Variants in GALNT13 observed in about 807,000 individuals in gnomAD.
GALNT13 encodes the protein UDP-GalNAc:polypeptide N-acetylgalactosaminyltransferase 13.
Under a neutral mutation model 64.2 loss-of-function variants are expected in GALNT13, and 28 were observed. The ratio of observed to expected loss-of-function variants is 0.44; its 90% CI spans 0.32 to 0.60. GALNT13 has a LOEUF of 0.60. GALNT13 is among the 20% of genes least tolerant of loss of function. The probability of loss-of-function intolerance (pLI) is 0.05; values close to 1 mark genes in which losing one functional copy is unlikely to be tolerated. For missense variants in GALNT13, 577 were observed against 669.8 expected (o/e 0.86, Z 1.53); for synonymous variants, 214 against 224.6 (o/e 0.95, Z 0.42).
intron 12 of GALNT13, chr2:154,446,811 T>C: frequency 7.0e-7 from 1 of 1,437,748 alleles, no homozygotes; most frequent in East Asian, 2.5e-5. Context: ...ATTTTTGTTA[T>C]GTTCAGTTAT....
At chr2:154,421,914 A>G (rs567884130) in intron 11 of GALNT13, among the ~76,000 whole-genome samples, 61 of 152,158 alleles carry the variant, frequency 4.0e-4, no homozygotes, top group Non-Finnish European at 7.5e-4. Flanking sequence ...ATCATTAACA[A>G]TACAGCAAGC....
At chr2:153,373,931 T>A in the GALNT13 span, among the ~76,000 whole-genome samples, 1 of 152,206 alleles carries the variant, frequency 6.6e-6, no homozygotes, top group East Asian at 1.9e-4. Flanking sequence ...CATTGCTGCA[T>A]GTGCCAAAAT....
intron 3 of GALNT13, among the ~76,000 whole-genome samples, chr2:154,071,613 TC>T (rs1408308328): frequency 2.0e-5 from 3 of 152,104 alleles, no homozygotes; most frequent in African/African-American, 4.8e-5. Flanking sequence ...ATGTTGATAA[TC>T]CCCAGGCCAA....
At chr2:154,110,314 TATATATATATATATATATATATAGAG>T (rs1558963000) in intron 3 of GALNT13, among the ~76,000 whole-genome samples, 9 of 44,992 alleles carry the variant, frequency 2.0e-4, no homozygotes, top group East Asian at 1.0e-3. Context: ...TATATATATA[TATATATATATATATATATATATAGAG>T]AGAGAGAGAG....
the GALNT13 span, among the ~76,000 whole-genome samples, chr2:153,547,518 G>C: frequency 6.6e-6 from 1 of 152,178 alleles, no homozygotes. Flanking sequence ...GCCACAGGTA[G>C]AGTCTTAATA....
chr2:154,343,574 G>T (rs1695893163), intron 9 of GALNT13, among the ~76,000 whole-genome samples: 1 of 152,026 alleles, frequency 6.6e-6, no homozygotes, highest in Non-Finnish European at 1.5e-5. Flanking sequence ...CATCAAGTCA[G>T]TCAATAAACT....
At chr2:154,393,941 A>G (rs1033606571) in intron 9 of GALNT13, among the ~76,000 whole-genome samples, 9 of 149,322 alleles carry the variant, frequency 6.0e-5, no homozygotes, top group South Asian at 2.1e-4. Flanking sequence ...AGCCGGGCGT[A>G]GTGGCGGGCG....
chr2:153,070,461 T>C, the GALNT13 span, among the ~76,000 whole-genome samples: 2 of 152,178 alleles, frequency 1.3e-5, no homozygotes, highest in Admixed American at 6.5e-5. Context: ...ATGTAAAATA[T>C]GGATTTTGGT....
the GALNT13 span, among the ~76,000 whole-genome samples, chr2:153,715,013 C>T: frequency 1.3e-5 from 2 of 152,088 alleles, no homozygotes; most frequent in South Asian, 4.1e-4. Context: ...AAATATGTGT[C>T]TGAAGTAGCT....
At chr2:153,146,776 T>C in the GALNT13 span, among the ~76,000 whole-genome samples, 1 of 151,894 alleles carries the variant, frequency 6.6e-6, no homozygotes, top group Non-Finnish European at 1.5e-5. Flanking sequence ...AGTCCACAGA[T>C]ATTCATAGAA....
the GALNT13 span, among the ~76,000 whole-genome samples, chr2:153,832,142 T>A: frequency 3.3e-5 from 5 of 152,186 alleles, no homozygotes; most frequent in Non-Finnish European, 7.3e-5. Flanking sequence ...GAAGTCTACC[T>A]GGTTCCATCA....
intron 4 of GALNT13, among the ~76,000 whole-genome samples, chr2:154,207,900 G>C (rs1687550994): frequency 6.6e-6 from 1 of 152,108 alleles, no homozygotes; most frequent in Non-Finnish European, 1.5e-5. Flanking sequence ...ATGTCGCATA[G>C]GACAAAGGCA....
At chr2:153,703,985 T>C in the GALNT13 span, among the ~76,000 whole-genome samples, 1 of 152,136 alleles carries the variant, frequency 6.6e-6, no homozygotes, top group Non-Finnish European at 1.5e-5. Context: ...AACTTACTCC[T>C]CAGTCCTATA....
the GALNT13 span, among the ~76,000 whole-genome samples, chr2:153,684,441 G>A: frequency 6.6e-6 from 1 of 151,366 alleles, no homozygotes; most frequent in Non-Finnish European, 1.5e-5. Flanking sequence ...TTCTGCCTAG[G>A]AGTCACGTCA....
chr2:154,286,872 C>A (rs1692295376), intron 8 of GALNT13: 2 of 399,926 alleles, frequency 5.0e-6, no homozygotes, highest in Admixed American at 6.8e-5. Flanking sequence ...TACTTTGTAT[C>A]CTCTTCTGGC....
chr2:154,140,666 C>T lies in GALNT13; in HGVS notation c.311+161C>T, dbSNP rs370517265. Among the ~76,000 whole-genome samples, 13 of 152,014 alleles carry T rather than the reference C, an allele frequency of 8.6e-5. No homozygotes were observed. In the East Asian group the frequency reaches 9.6e-4, roughly 11 times the overall value. ...TTGTGCATGCATATGCTGAAAAAGG[C>T]GAACTATTTTCTTCCCTGGCAAAGA... is the stretch of plus-strand genomic sequence containing the variant. On this transcript the variant is annotated intron_variant, in intron 4 of 12. Coordinates refer to ENST00000392825, the MANE Select transcript of GALNT13 (RefSeq NM_052917.4).
chr2:153,217,043 C>G, the GALNT13 span, among the ~76,000 whole-genome samples: 1 of 151,960 alleles, frequency 6.6e-6, no homozygotes, highest in African/African-American at 2.4e-5. Flanking sequence ...CCAATTGTTT[C>G]AGCAACATTT....
At chr2:153,265,071 T>A in the GALNT13 span, among the ~76,000 whole-genome samples, 13 of 152,310 alleles carry the variant, frequency 8.5e-5, no homozygotes, top group African/African-American at 3.1e-4. Flanking sequence ...TTTTTTACTG[T>A]CCCTTCTCTT....
intron 3 of GALNT13, among the ~76,000 whole-genome samples, chr2:154,017,974 C>T (rs1305473005): frequency 6.6e-6 from 1 of 152,022 alleles, no homozygotes; most frequent in Non-Finnish European, 1.5e-5. Context: ...TGTTATTATC[C>T]TTTGCTTACT....
Sources: gnomAD v4.1 joint callset for allele counts (sites outside exome capture counted in the v4.1 genomes callset) on GRCh38, gnomAD v4.1.1 for gene constraint, MANE v1.5 for transcripts, NCBI Gene and HGNC (gene_info 2026-07-23, HGNC 2026-07-21) for gene names.